The following RPS6KC1 variants were observed in gnomAD, a reference collection of about 807,000 sequenced individuals.
RPS6KC1 encodes the protein ribosomal protein S6 kinase C1.
Under a neutral mutation model 103.8 loss-of-function variants are expected in RPS6KC1, and 54 were observed. The observed-to-expected ratio is 0.52, with a 90% confidence interval of 0.42 to 0.65. The LOEUF (loss-of-function observed/expected upper bound fraction) is 0.65. RPS6KC1 is among the 30% of genes least tolerant of loss of function. RPS6KC1 has a pLI of 0.00. For missense variants in RPS6KC1, 1,151 were observed against 1,253.8 expected (o/e 0.92, Z 1.24); for synonymous variants, 439 against 438.7 (o/e 1.00, Z -0.01).
At chr1:213,840,510 A>G in the RPS6KC1 span, 1 of 152,186 alleles carries the variant, frequency 6.6e-6, no homozygotes, top group East Asian at 1.9e-4. Context: ...GATCTCACCT[A>G]AACTATAATT....
chr1:213,686,002 G>A, the RPS6KC1 span, among the ~76,000 whole-genome samples: 1 of 152,028 alleles, frequency 6.6e-6, no homozygotes, highest in Admixed American at 6.6e-5. Context: ...CATTTTCAAT[G>A]AGACCACACA....
the RPS6KC1 span, among the ~76,000 whole-genome samples, chr1:213,453,827 C>T: frequency 1.3e-5 from 2 of 152,098 alleles, no homozygotes; most frequent in Admixed American, 6.6e-5. Flanking sequence ...TATAGTTGGC[C>T]CTTGAACAAC....
chr1:213,385,876 C>T, the RPS6KC1 span, among the ~76,000 whole-genome samples: 3 of 152,158 alleles, frequency 2.0e-5, no homozygotes, highest in Non-Finnish European at 2.9e-5. Flanking sequence ...GAAGACAGTG[C>T]GGCTAAGAGT....
chr1:213,355,390 A>G, the RPS6KC1 span, among the ~76,000 whole-genome samples: 3 of 152,016 alleles, frequency 2.0e-5, no homozygotes, highest in African/African-American at 7.3e-5. Context: ...CAGAATCGGG[A>G]GCTGTAGGGA....
chr1:213,159,777 T>C (rs1470038043), intron 6 of RPS6KC1, among the ~76,000 whole-genome samples: 1 of 151,572 alleles, frequency 6.6e-6, no homozygotes, highest in Non-Finnish European at 1.5e-5. Flanking sequence ...TTAGTCGATC[T>C]CTCATCAGTA....
At chr1:213,298,705 T>C in the RPS6KC1 span, among the ~76,000 whole-genome samples, 2 of 152,198 alleles carry the variant, frequency 1.3e-5, no homozygotes, top group Admixed American at 1.3e-4. Flanking sequence ...TTAATTTCAA[T>C]AATTCTTTTC....
the RPS6KC1 span, among the ~76,000 whole-genome samples, chr1:213,304,314 A>G: frequency 6.6e-6 from 1 of 151,888 alleles, no homozygotes; most frequent in Non-Finnish European, 1.5e-5. Flanking sequence ...TTACAAATGT[A>G]TTTTACTTAA....
At chr1:213,207,040 C>G (rs939682048) in intron 8 of RPS6KC1, among the ~76,000 whole-genome samples, 1 of 152,080 alleles carries the variant, frequency 6.6e-6, no homozygotes, top group Non-Finnish European at 1.5e-5. Context: ...CTCTGGGAGG[C>G]GGAGGTTGCA....
the RPS6KC1 span, among the ~76,000 whole-genome samples, chr1:213,378,504 C>T: frequency 6.6e-6 from 1 of 152,058 alleles, no homozygotes; most frequent in Non-Finnish European, 1.5e-5. Flanking sequence ...GCTTGTGCTC[C>T]CTGAGCAGAG....
At chr1:213,322,418 C>T in the RPS6KC1 span, among the ~76,000 whole-genome samples, 1 of 152,150 alleles carries the variant, frequency 6.6e-6, no homozygotes, top group Non-Finnish European at 1.5e-5. Flanking sequence ...CATAATGTGA[C>T]TTAGGTTTTA....
the RPS6KC1 span, among the ~76,000 whole-genome samples, chr1:213,611,648 G>T: frequency 6.6e-6 from 1 of 152,330 alleles, no homozygotes; most frequent in African/African-American, 2.4e-5. Flanking sequence ...AGAGCCTTGG[G>T]TGTGCTAATG....
the RPS6KC1 span, among the ~76,000 whole-genome samples, chr1:213,846,878 C>A: frequency 6.6e-6 from 1 of 152,140 alleles, no homozygotes; most frequent in Admixed American, 6.5e-5. Context: ...TCTTAATTTC[C>A]CTCTTCATAG....
chr1:213,230,651 A>G, intron 9 of RPS6KC1, 107 bp downstream of exon 9: 1 of 636,080 alleles, frequency 1.6e-6, no homozygotes, highest in Non-Finnish European at 2.6e-6. Flanking sequence ...CCTGGCCAAC[A>G]TGGTGAAACC....
At chr1:213,615,756 G>A in the RPS6KC1 span, among the ~76,000 whole-genome samples, 5 of 152,236 alleles carry the variant, frequency 3.3e-5, no homozygotes, top group Admixed American at 2.0e-4. Context: ...AAGACAGAAT[G>A]TGTCCCTGTG....
the RPS6KC1 span, among the ~76,000 whole-genome samples, chr1:213,448,541 A>G: frequency 2.0e-5 from 3 of 152,118 alleles, no homozygotes; most frequent in Non-Finnish European, 4.4e-5. Flanking sequence ...CTTCGTAACA[A>G]GGGCAGCTCT....
At chr1:213,287,667 C>T in the RPS6KC1 span, among the ~76,000 whole-genome samples, 2 of 152,146 alleles carry the variant, frequency 1.3e-5, no homozygotes, top group Admixed American at 6.5e-5. Flanking sequence ...ATACACAAAG[C>T]GCTCTTCTAG....
intron 8 of RPS6KC1, among the ~76,000 whole-genome samples, chr1:213,222,217 T>A (rs2093851754): frequency 6.6e-6 from 1 of 152,208 alleles, no homozygotes; most frequent in African/African-American, 2.4e-5. Context: ...TGGGAAGTTC[T>A]AGCACAAATG....
the RPS6KC1 span, among the ~76,000 whole-genome samples, chr1:213,324,138 C>T: frequency 6.6e-6 from 1 of 152,084 alleles, no homozygotes; most frequent in African/African-American, 2.4e-5. Flanking sequence ...TCTCCAGGAG[C>T]TTGCAATGTA....
chr1:213,680,816 C>A, the RPS6KC1 span, among the ~76,000 whole-genome samples: 17 of 152,054 alleles, frequency 1.1e-4, no homozygotes, highest in South Asian at 2.1e-4. Context: ...TGGGAAAAAA[C>A]CAGACATGTT....
Sources: allele counts gnomAD v4.1 joint callset (sites outside exome capture counted in the v4.1 genomes callset), GRCh38; gene constraint gnomAD v4.1.1; transcripts MANE v1.5; gene names NCBI Gene and HGNC (gene_info 2026-07-23, HGNC 2026-07-21).